Variants in SGCZ observed in about 807,000 individuals in gnomAD.
SGCZ encodes the protein sarcoglycan zeta.
A neutral mutation model predicts 41.3 loss-of-function variants in SGCZ; 40 were observed. That is an observed-to-expected ratio of 0.97 (90% CI 0.75 to 1.26). The LOEUF (loss-of-function observed/expected upper bound fraction) is 1.26, where lower values mean the gene tolerates loss of function less well. SGCZ is among the 50% of genes most tolerant of loss of function. The pLI is 0.00. For missense variants in SGCZ, 552 were observed against 369.8 expected (o/e 1.49, Z -4.04); for synonymous variants, 206 against 137.5 (o/e 1.50, Z -3.49).
rs183091404 is a variant in SGCZ at position 14,290,286 on chromosome 8, C to G, written c.336+33817G>C. On this transcript the variant is annotated intron_variant, in intron 3 of 7. Coordinates refer to ENST00000382080, the MANE Select transcript of SGCZ (RefSeq NM_139167.4). ...CCATAACATTGGTCTAGGCAAGGAT[C>G]TTTTGTATGAAACCAGAGGTACATA... 3.6e-3 allele frequency among the ~76,000 whole-genome samples: 541 copies of G among 151,512 alleles called. 5 individuals are homozygous for G. Among genetic ancestry groups the G allele is most frequent in the South Asian group, 0.019 (91 of 4,772 alleles).
chr8:14,952,996 C>G (rs1479492355), intron 1 of SGCZ, among the ~76,000 whole-genome samples: 2 of 151,998 alleles, frequency 1.3e-5, no homozygotes, highest in African/African-American at 4.8e-5. Context: ...TTTTGCTGAT[C>G]AGGGTTGGCC....
chr8:14,107,194 T>C (rs1247672771), intron 6 of SGCZ, among the ~76,000 whole-genome samples: 1 of 151,076 alleles, frequency 6.6e-6, no homozygotes, highest in Non-Finnish European at 1.5e-5. Flanking sequence ...CCAGCCTGGG[T>C]GACAGAACGA....
In SGCZ at chr8:14,533,980, A is replaced by C. The variant is rs574721763; in HGVS notation, c.234+20752T>G. ...AGACAGCTGAGAAGTGACGTGACAC[A>C]GCAGCAAGGCTCATTCTACCAGGGG... On this transcript the variant is annotated intron_variant, in intron 2 of 7. Transcript: ENST00000382080. Among the ~76,000 whole-genome samples, 15 of 152,086 alleles carry C rather than the reference A, an allele frequency of 9.9e-5. No individual in the cohort carries two copies. The East Asian group carries it at 2.3e-3, about 24-fold the overall frequency.
intron 1 of SGCZ, among the ~76,000 whole-genome samples, chr8:14,926,884 C>T (rs999211704): frequency 6.6e-6 from 1 of 152,024 alleles, no homozygotes; most frequent in Non-Finnish European, 1.5e-5. Flanking sequence ...CGTGATCCAC[C>T]AGCCTTAGCC....
intron 1 of SGCZ, among the ~76,000 whole-genome samples, chr8:14,928,053 C>T (rs1799811075): frequency 6.6e-6 from 1 of 152,168 alleles, no homozygotes; most frequent in Non-Finnish European, 1.5e-5. Flanking sequence ...AGGCCTCTGC[C>T]TTTATGAAAT....
chr8:15,069,149 C>T (rs553917333), intron 1 of SGCZ, among the ~76,000 whole-genome samples: 3 of 152,212 alleles, frequency 2.0e-5, no homozygotes, highest in African/African-American at 7.2e-5. Context: ...AGATTTTACT[C>T]CAAAATTTAT....
chr8:14,599,824 AT>A (rs1805530089), intron 1 of SGCZ, among the ~76,000 whole-genome samples: 1 of 152,164 alleles, frequency 6.6e-6, no homozygotes, highest in Admixed American at 6.5e-5. Flanking sequence ...TTTTATAAAC[AT>A]GCAATATATT....
At chr8:14,308,680 A>T (rs891045241) in intron 3 of SGCZ, among the ~76,000 whole-genome samples, 1 of 152,072 alleles carries the variant, frequency 6.6e-6, no homozygotes, top group Non-Finnish European at 1.5e-5. Context: ...CATAAGAGGG[A>T]TGGATTTTAG....
intron 1 of SGCZ, among the ~76,000 whole-genome samples, chr8:14,676,437 T>G (rs1808281942): frequency 6.6e-6 from 1 of 151,986 alleles, no homozygotes; most frequent in Admixed American, 6.6e-5. Flanking sequence ...GAGGATCACT[T>G]GAGTCCAGGA....
chr8:14,689,404 A>AAC (rs1300984592), intron 1 of SGCZ, among the ~76,000 whole-genome samples: 8 of 152,170 alleles, frequency 5.3e-5, no homozygotes, highest in Non-Finnish European at 1.2e-4. Flanking sequence ...TATGTCAATA[A>AAC]ACAAAATACC....
chr8:14,696,349 G>A (rs1435098830), intron 1 of SGCZ, among the ~76,000 whole-genome samples: 2 of 152,042 alleles, frequency 1.3e-5, no homozygotes, highest in Non-Finnish European at 1.5e-5. Flanking sequence ...ATTCTCCCCT[G>A]ACTGAGTGAG....
chr8:14,496,893 T>G (rs1191135780), intron 2 of SGCZ, among the ~76,000 whole-genome samples: 1 of 152,226 alleles, frequency 6.6e-6, no homozygotes, highest in African/African-American at 2.4e-5. Flanking sequence ...ATTTCTAATT[T>G]TTTTCACAGA....
At chr8:14,617,394 T>C (rs1250594299) in intron 1 of SGCZ, among the ~76,000 whole-genome samples, 6 of 152,214 alleles carry the variant, frequency 3.9e-5, no homozygotes, top group African/African-American at 4.8e-5. Context: ...ATTATTTTAC[T>C]GTTCAAAATT....
At chr8:14,094,368 A>G (rs188192168) in intron 7 of SGCZ, among the ~76,000 whole-genome samples, 14 of 151,344 alleles carry the variant, frequency 9.3e-5, no homozygotes, top group African/African-American at 2.2e-4. Context: ...TCAACTCCCA[A>G]TTAGGAGTAC....
At chr8:14,845,714 T>C (rs1034268111) in intron 1 of SGCZ, among the ~76,000 whole-genome samples, 1 of 152,148 alleles carries the variant, frequency 6.6e-6, no homozygotes, top group Non-Finnish European at 1.5e-5. Context: ...AGAAAGGAAT[T>C]AATGGCAGTT....
At chr8:15,011,313 G>A (rs770474711) in intron 1 of SGCZ, among the ~76,000 whole-genome samples, 101 of 152,014 alleles carry the variant, frequency 6.6e-4, no homozygotes, top group South Asian at 1.5e-3. Flanking sequence ...TTGTCTATTT[G>A]AACTTGAAAG....
At chr8:14,234,463 C>T (rs1379192888) in intron 4 of SGCZ, among the ~76,000 whole-genome samples, 3 of 151,996 alleles carry the variant, frequency 2.0e-5, no homozygotes, top group African/African-American at 7.2e-5. Flanking sequence ...GGAAAATACT[C>T]AAATTGTTAT....
At chr8:15,050,880 T>G (rs2130993024) in intron 1 of SGCZ, among the ~76,000 whole-genome samples, 1 of 152,314 alleles carries the variant, frequency 6.6e-6, no homozygotes, top group South Asian at 2.1e-4. Context: ...CCTGAATGTT[T>G]ATTGGAATTC....
At chr8:15,023,333 G>C (rs1030834222) in intron 1 of SGCZ, among the ~76,000 whole-genome samples, 1 of 152,148 alleles carries the variant, frequency 6.6e-6, no homozygotes, top group Admixed American at 6.5e-5. Context: ...TGTCTACCGT[G>C]AAACCTGCTT....
Sources: gnomAD v4.1 joint callset for allele counts (sites outside exome capture counted in the v4.1 genomes callset) on GRCh38, gnomAD v4.1.1 for gene constraint, MANE v1.5 for transcripts, NCBI Gene and HGNC (gene_info 2026-07-23, HGNC 2026-07-21) for gene names.